The following GCC2 variants were observed in gnomAD, a reference collection of about 807,000 sequenced individuals.
GCC2 encodes the protein GRIP and coiled-coil domain containing 2.
GCC2 carries 120 observed loss-of-function variants against 210.6 expected under a neutral mutation model. That is an observed-to-expected ratio of 0.57 (90% CI 0.49 to 0.66). The LOEUF is 0.66. Ranked by LOEUF, GCC2 falls within the 30% of genes least tolerant of loss-of-function variation. The pLI is 0.00. For missense variants in GCC2, 1,868 were observed against 1,871.9 expected, an observed-to-expected ratio of 1.00 and a Z score of 0.04; for synonymous variants, 703 against 652.7, an observed-to-expected ratio of 1.08 and a Z score of -1.17.
intron 4 of GCC2, among the ~76,000 whole-genome samples, chr2:108,457,757 T>C (rs1189137780): frequency 2.0e-5 from 3 of 152,218 alleles, no homozygotes; most frequent in Admixed American, 6.5e-5. Context: ...TTAGCTATTT[T>C]ATTGTTGGTA....
Position 108,471,746 on chromosome 2 carries a change from A to C in GCC2, c.2417A>C (p.Glu806Ala). ...TGCAACCTGGCTTTTCAGCGTGATG[A>C]AAAAGTATTAGAGTTAGAAAAAGAG... Reference protein sequence around the residue: ...EKCNLAFQRDEKVLELEKEIK... With the variant: ...EKCNLAFQRDAKVLELEKEIK... The change falls in exon 6 of 23, where the codon GAA (glutamate) becomes GCA (alanine). Residue 806 changes from glutamate to alanine, a missense_variant. Physicochemically the swap from Glu to Ala is moderately radical, Grantham distance 107 (BLOSUM62 -1). Coordinates refer to ENST00000309863, the MANE Select transcript of GCC2 (RefSeq NM_181453.4). 6.2e-7 allele frequency: 1 copy of C among 1,613,366 alleles called. No individual in the cohort carries two copies. Among genetic ancestry groups the C allele is most frequent in the Non-Finnish European group, 8.5e-7 (1 of 1,179,686 alleles).
In GCC2 at chr2:108,471,380, C is replaced by A; in HGVS notation, c.2051C>A (p.Ser684Ter). The change falls in exon 6 of 23, where the codon TCA becomes TAA. Residue 684 changes from serine (S) to a stop codon, truncating the protein, a stop_gained. Transcript: ENST00000309863. LOFTEE classifies it high-confidence loss of function. ...CTCTCTGAAGACAAAGAAGTATTGT[C>A]AGCTGAAGTGAAGTCTCTTTATGAG... is the stretch of plus-strand genomic sequence containing the variant. ...KVLSEDKEVLSAEVKSLYEEN... is the reference protein window; with the variant it reads ...KVLSEDKEVL 1 of 1,608,440 alleles carries A rather than the reference C, an allele frequency of 6.2e-7. No individual in the cohort carries two copies. The highest frequency in any genetic ancestry group is 1.1e-5 in the South Asian group (1 of 89,556).
intron 4 of GCC2, among the ~76,000 whole-genome samples, chr2:108,466,257 A>T (rs536762721): frequency 6.6e-5 from 10 of 152,186 alleles, no homozygotes; most frequent in African/African-American, 2.4e-4. Flanking sequence ...GGGCCAACAC[A>T]GTCTTGATCT....
At chr2:108,503,030 G>C (rs1028787730) in intron 22 of GCC2, among the ~76,000 whole-genome samples, 5 of 151,980 alleles carry the variant, frequency 3.3e-5, no homozygotes, top group Non-Finnish European at 7.4e-5. Context: ...CATCAAACAT[G>C]TTTTTACTAA....
Position 108,487,781 on chromosome 2 carries a change from C to T in GCC2, c.4013C>T (p.Ser1338Phe), listed in dbSNP as rs867744399. The T allele has an allele frequency of 6.2e-7, 1 of 1,613,326 alleles. No homozygotes were observed. Among genetic ancestry groups the T allele is most frequent in the Middle Eastern group, 1.7e-4 (1 of 6,058 alleles). ...GTTCTAAAACAACAGAAAAATAAAT[C>T]TATGTCTCAGGCTGAAACTGAGGGC... ...HNVLKQQKNK[S>F]MSQAETEGAK... The change falls in exon 17 of 23, where the codon TCT becomes TTT. Residue 1338 changes from serine (S) to phenylalanine (F), a missense_variant. Transcript: ENST00000309863.
chr2:108,499,795 T>TA (rs1445746269), intron 22 of GCC2, 41 bp downstream of exon 22: 1 of 1,609,504 alleles, frequency 6.2e-7, no homozygotes, highest in Non-Finnish European at 8.5e-7. Context: ...ACTTCTAACT[T>TA]AAACTAAACA....
In GCC2 at chr2:108,507,764, C is replaced by T; in HGVS notation, c.*134C>T. 1.6e-6 allele frequency: 1 copy of T among 642,708 alleles called. No individual in the cohort carries two copies. The highest frequency in any genetic ancestry group is 1.9e-5 in the African/African-American group (1 of 54,004). The allele number at this position is 642,708 out of a possible 1,614,324, so 39.8% of individuals were successfully genotyped here. On this transcript the variant is annotated 3_prime_UTR_variant, in exon 23 of 23. Coordinates refer to ENST00000309863, the MANE Select transcript of GCC2 (RefSeq NM_181453.4). ...TACATATATTTGTACATCTATATGA[C>T]AGATGTATTTTAAAAGTTTCATCTT... is the stretch of plus-strand genomic sequence containing the variant.
rs756539110 is a variant in GCC2 at position 108,495,460 on chromosome 2, G to C, written c.4617G>C (p.Leu1539=). The C allele has an allele frequency of 1.3e-6, 2 of 1,592,452 alleles. No homozygotes were observed. Among genetic ancestry groups the C allele is most frequent in the South Asian group, 1.1e-5 (1 of 89,992 alleles). The change falls in exon 20 of 23, where the codon CTG becomes CTC. Residue 1539 remains leucine, a synonymous_variant. Transcript: ENST00000309863. The part of the protein sequence containing the change: ...ASTYTQSLEQ[L]LNSPETKLEP... Reference sequence around the variant, plus strand: ...CATACACACAGTCTTTAGAGCAGCTGCTTAACTCTCCCGAAACTAAACTTG... The same window carrying C: ...CATACACACAGTCTTTAGAGCAGCTCCTTAACTCTCCCGAAACTAAACTTG...
intron 4 of GCC2, among the ~76,000 whole-genome samples, chr2:108,456,796 T>G (rs185095156): frequency 6.6e-6 from 1 of 151,900 alleles, no homozygotes; most frequent in African/African-American, 2.4e-5. Flanking sequence ...CAAAAAAATA[T>G]AAATTAGCCA....
chr2:108,507,516 T>C, intron 22 of GCC2, 44 bp from the exon 23 acceptor site: 1 of 1,421,928 alleles, frequency 7.0e-7, no homozygotes, highest in East Asian at 2.4e-5. Flanking sequence ...AATACTCTCT[T>C]TTTTCTTTTA....
intron 3 of GCC2, 44 bp downstream of exon 3, chr2:108,451,156 C>T (rs767323105): frequency 1.4e-5 from 17 of 1,216,630 alleles, no homozygotes; most frequent in Non-Finnish European, 2.0e-5. Context: ...TCTCTTTAAT[C>T]GTGGTTTAAA....
chr2:108,482,255 T>C, intron 10 of GCC2, 32 bp from the exon 11 acceptor site: 1 of 1,350,898 alleles, frequency 7.4e-7, no homozygotes, highest in Non-Finnish European at 1.0e-6. Context: ...GTTTTTTGCA[T>C]GTTTATAGTA....
chr2:108,507,405 ACC>A lies in GCC2; in HGVS notation c.4985-145_4985-144del, dbSNP rs200527944. ...CAAGACCCTGTCTCAAAAAAAAAGA[ACC>A]CCCCCCCCCAAAAAAAAGGCATGTA... On this transcript the variant is annotated intron_variant, in intron 22 of 22. Transcript: ENST00000309863. The A allele has an allele frequency of 1.3e-3, 353 of 272,628 alleles. 2 individuals are homozygous for A. The highest frequency in any genetic ancestry group is 6.2e-3 in the Middle Eastern group (4 of 650). The allele number at this position is 272,628 out of a possible 1,614,324, so 16.9% of individuals were successfully genotyped here.
intron 4 of GCC2, among the ~76,000 whole-genome samples, chr2:108,463,164 C>T (rs928171287): frequency 4.0e-5 from 6 of 151,756 alleles, no homozygotes; most frequent in Non-Finnish European, 7.4e-5. Flanking sequence ...CCTTTAGTAT[C>T]GAAATTTTGA....
At position 108,489,838 on chromosome 2, in the gene GCC2, G is replaced by T; in HGVS notation, c.4053G>T (p.Arg1351Ser). The T allele has an allele frequency of 6.3e-7, 1 of 1,586,664 alleles. No individual in the cohort carries two copies. The highest frequency in any genetic ancestry group is 1.1e-5 in the South Asian group (1 of 86,964). The change falls in exon 18 of 23, where the codon AGG becomes AGT. Residue 1351 changes from arginine (R) to serine (S), a missense_variant and splice_region_variant. Transcript: ENST00000309863. ...QAETEGAKQE[R>S]EHLEMLIDQL... ...TTAAAACTGTGTATTTCTGTTTTAG[G>T]GAACATCTGGAAATGCTGATTGACC...
At chr2:108,498,430 G>A (rs1455542070) in intron 21 of GCC2, among the ~76,000 whole-genome samples, 4 of 151,952 alleles carry the variant, frequency 2.6e-5, no homozygotes, top group South Asian at 2.1e-4. Flanking sequence ...TCCTGACCTC[G>A]TGATCTGCCT....
chr2:108,481,862 T>A (rs1246320563), intron 10 of GCC2, 46 bp downstream of exon 10: 1 of 1,359,958 alleles, frequency 7.4e-7, no homozygotes, highest in Non-Finnish European at 1.0e-6. Flanking sequence ...ACAGGTATAT[T>A]TTAATCTCAA....
At chr2:108,466,344 A>G (rs1332249108) in intron 4 of GCC2, among the ~76,000 whole-genome samples, 1 of 151,464 alleles carries the variant, frequency 6.6e-6, no homozygotes, top group Non-Finnish European at 1.5e-5. Flanking sequence ...CCCGGCCAAC[A>G]TCCATTTTCT....
chr2:108,505,124 A>C (rs962011172), intron 22 of GCC2, among the ~76,000 whole-genome samples: 2 of 152,268 alleles, frequency 1.3e-5, no homozygotes, highest in Non-Finnish European at 2.9e-5. Context: ...TGTTTGCACA[A>C]GGGCAGGGGC....
Sources: allele counts gnomAD v4.1 joint callset (sites outside exome capture counted in the v4.1 genomes callset), GRCh38; gene constraint gnomAD v4.1.1; transcripts MANE v1.5; gene names NCBI Gene and HGNC (gene_info 2026-07-23, HGNC 2026-07-21).